The following NCOR2 variants were observed in gnomAD, a reference collection of about 807,000 sequenced individuals.
NCOR2 encodes nuclear receptor corepressor 2.
A neutral mutation model predicts 262.9 loss-of-function variants in NCOR2; 81 were observed. The ratio of observed to expected loss-of-function variants is 0.31; its 90% CI spans 0.26 to 0.37. NCOR2 has a LOEUF of 0.37. NCOR2 is among the 10% of genes least tolerant of loss of function. NCOR2 has a pLI of 1.00. For missense variants in NCOR2, 3,385 were observed against 3,621.4 expected (o/e 0.93, Z 1.68); for synonymous variants, 1,659 against 1,559.3 (o/e 1.06, Z -1.51).
intron 1 of NCOR2, among the ~76,000 whole-genome samples, chr12:124,509,652 G>A (rs905697803): frequency 1.3e-5 from 2 of 152,162 alleles, no homozygotes; most frequent in African/African-American, 4.8e-5. Flanking sequence ...GGGAGACCCA[G>A]GCCAGACTCA....
intron 3 of NCOR2, among the ~76,000 whole-genome samples, chr12:124,477,467 G>A (rs1023207503): frequency 6.6e-6 from 1 of 152,238 alleles, no homozygotes; most frequent in Non-Finnish European, 1.5e-5. Flanking sequence ...AGCGGTGTAA[G>A]AACAGACTAA....
chr12:124,379,013 C>CGGGATGGGATA (rs56128768), intron 17 of NCOR2, among the ~76,000 whole-genome samples: 1 of 150,220 alleles, frequency 6.7e-6, no homozygotes, highest in Non-Finnish European at 1.5e-5. Flanking sequence ...GTGGGTGAAA[C>CGGGATGGGATA]AGGATGGGAC....
chr12:124,400,824 G>C, intron 14 of NCOR2, 151 bp from the exon 17 acceptor site: 1 of 1,004,020 alleles, frequency 1.0e-6, no homozygotes, highest in South Asian at 1.6e-5. Flanking sequence ...GGCCTGAGGT[G>C]AGGGTGGCCA....
At chr12:124,411,838 C>T (rs1276952106) in intron 13 of NCOR2, among the ~76,000 whole-genome samples, 2 of 152,342 alleles carry the variant, frequency 1.3e-5, no homozygotes, top group Admixed American at 6.5e-5. Context: ...AAGCCGCTCA[C>T]GGCCGATCTC....
chr12:124,521,027 C>T (rs1485841789), intron 1 of NCOR2, among the ~76,000 whole-genome samples: 1 of 152,228 alleles, frequency 6.6e-6, no homozygotes, highest in Non-Finnish European at 1.5e-5. Flanking sequence ...CATCAGAAGG[C>T]TCAGCTGGCG....
chr12:124,475,166 G>A (rs921634960), intron 3 of NCOR2, among the ~76,000 whole-genome samples: 2 of 152,058 alleles, frequency 1.3e-5, no homozygotes, highest in Non-Finnish European at 2.9e-5. Context: ...GGACAACCCG[G>A]TGCTCCCTCC....
intron 1 of NCOR2, chr12:124,518,151 A>G (rs1330249125): frequency 6.6e-6 from 1 of 151,960 alleles, no homozygotes; most frequent in Non-Finnish European, 1.5e-5. Flanking sequence ...CGAGCACATG[A>G]CCAACCTCGC....
intron 1 of NCOR2, among the ~76,000 whole-genome samples, chr12:124,491,778 T>C (rs1255835052): frequency 6.6e-6 from 1 of 152,052 alleles, no homozygotes; most frequent in Non-Finnish European, 1.5e-5. Flanking sequence ...TGTGAGCATT[T>C]TGTTACTGGA....
intron 44 of NCOR2, among the ~76,000 whole-genome samples, chr12:124,329,385 C>T (rs912005710): frequency 3.9e-5 from 6 of 152,090 alleles, no homozygotes; most frequent in Admixed American, 2.6e-4. Context: ...TGCTGAAACC[C>T]GGGAGGCAGA....
At chr12:124,383,637 G>C (rs1363577868) in intron 17 of NCOR2, 1 of 201,628 alleles carries the variant, frequency 5.0e-6, no homozygotes, top group Admixed American at 6.0e-5. Flanking sequence ...AGGGCACGTC[G>C]CCCTCCCGGA....
chr12:124,493,829 A>G (rs991392991), intron 1 of NCOR2, among the ~76,000 whole-genome samples: 6 of 152,204 alleles, frequency 3.9e-5, no homozygotes, highest in African/African-American at 7.2e-5. Context: ...GGGGGGACAC[A>G]GAAGCTTGGA....
Position 124,557,895 on chromosome 12 carries a change from C to T in NCOR2, c.-165+9413G>A, listed in dbSNP as rs552657677. On this transcript the variant is annotated intron_variant, in intron 1 of 32. Coordinates refer to the NCOR2 transcript ENST00000458234. ...GCCCCCAGGACCCAGGAAAGGCCCCCTGACTCCTGCCAGGCTCCAGAGGGC... is the reference window on the plus strand; with the variant it reads ...GCCCCCAGGACCCAGGAAAGGCCCCTTGACTCCTGCCAGGCTCCAGAGGGC... Among the ~76,000 whole-genome samples the T allele has an allele frequency of 2.8e-4, 43 of 152,252 alleles. 1 individual carries two copies. Among genetic ancestry groups the T allele is most frequent in the African/African-American group, 9.6e-4 (40 of 41,558 alleles).
intron 23 of NCOR2, 55 bp from the exon 26 acceptor site, chr12:124,355,626 G>A (rs1447512924): frequency 1.6e-5 from 24 of 1,492,904 alleles, no homozygotes; most frequent in South Asian, 5.5e-5. Context: ...CGTCCCTGCC[G>A]GACACACACT....
intron 18 of NCOR2, among the ~76,000 whole-genome samples, chr12:124,377,949 T>A (rs1159472954): frequency 6.6e-6 from 1 of 151,914 alleles, no homozygotes; most frequent in Non-Finnish European, 1.5e-5. Flanking sequence ...GGACGTCTGG[T>A]CACCCAAGCA....
intron 16 of NCOR2, chr12:124,388,547 G>C (rs2040990696): frequency 1.1e-6 from 1 of 893,304 alleles, no homozygotes; most frequent in Non-Finnish European, 1.6e-6. Context: ...GGAAAGGATG[G>C]GCTGGGACCC....
In NCOR2 at chr12:124,325,379, C is replaced by CCCG. The variant is rs1555297229; in HGVS notation, c.*22_*23insCGG. The CCCG allele has an allele frequency of 3.2e-5, 10 of 317,134 alleles. 1 individual carries two copies. The highest frequency in any genetic ancestry group is 6.1e-5 in the African/African-American group (2 of 32,990). 19.6% of individuals were successfully genotyped at this position (317,134 alleles called of 1,614,324 possible). On this transcript the variant is annotated 3_prime_UTR_variant, in exon 47 of 47. Transcript: ENST00000405201. ...GTGGCTCGCTGGGACCTGACACCGC[C>CCCG]CCCCCCCCCGCCCTGTTCTGAGTCA...
intron 37 of NCOR2, 49 bp downstream of exon 39, chr12:124,339,957 G>A: frequency 2.2e-6 from 3 of 1,388,620 alleles, no homozygotes; most frequent in Non-Finnish European, 9.5e-7. Flanking sequence ...TCCTCCTACT[G>A]ACCACCCATC....
intron 16 of NCOR2, among the ~76,000 whole-genome samples, chr12:124,396,155 T>C (rs2041642438): frequency 1.3e-5 from 2 of 151,660 alleles, no homozygotes; most frequent in African/African-American, 4.8e-5. Flanking sequence ...AGTGCATTAG[T>C]GGCTGCCAGG....
At chr12:124,510,525 C>G (rs190602955) in intron 1 of NCOR2, among the ~76,000 whole-genome samples, 12 of 152,344 alleles carry the variant, frequency 7.9e-5, no homozygotes, top group African/African-American at 2.9e-4. Context: ...ACAGAGAGGC[C>G]GAGCAACTTG....
Sources: allele counts gnomAD v4.1 joint callset (sites outside exome capture counted in the v4.1 genomes callset), GRCh38; gene constraint gnomAD v4.1.1; transcripts MANE v1.5; gene names NCBI Gene and HGNC (gene_info 2026-07-23, HGNC 2026-07-21).